The following ITGAX variants were observed in gnomAD, a reference collection of about 807,000 sequenced individuals.
ITGAX encodes integrin alpha-X.
In ITGAX, 99 loss-of-function variants were observed where a neutral mutation model predicts 140.2. That is an observed-to-expected ratio of 0.71 (90% CI 0.60 to 0.83). ITGAX has a LOEUF of 0.83. Ranked by LOEUF, ITGAX falls within the 40% of genes least tolerant of loss-of-function variation. The pLI is 0.00. For missense variants in ITGAX, 1,444 were observed against 1,482.0 expected (o/e 0.97, Z 0.42); for synonymous variants, 631 against 600.4 (o/e 1.05, Z -0.75).
In ITGAX at chr16:31,372,682, C is replaced by T; in HGVS notation, c.2366+12C>T. The T allele has an allele frequency of 1.2e-6, 2 of 1,612,210 alleles. No homozygotes were observed. Among genetic ancestry groups the T allele is most frequent in the Non-Finnish European group, 1.7e-6 (2 of 1,178,630 alleles). On this transcript the variant is annotated intron_variant, in intron 19 of 29. Coordinates refer to ENST00000268296, the MANE Select transcript of ITGAX (RefSeq NM_000887.5). Reference sequence around the variant, plus strand: ...TTCAGCTTCCCAGGGTGAGCGCCCCCACCTTAGACCTGCCCTACTGCCCCA... The same window carrying T: ...TTCAGCTTCCCAGGGTGAGCGCCCCTACCTTAGACCTGCCCTACTGCCCCA...
In ITGAX at chr16:31,358,813, G is replaced by GT. The variant is rs142979565; in HGVS notation, c.431-874dup. Among the ~76,000 whole-genome samples, 645 of 139,140 alleles carry GT rather than the reference G, an allele frequency of 4.6e-3. 5 individuals carry two copies. The highest frequency in any genetic ancestry group is 0.01 in the African/African-American group (378 of 36,826). The allele number at this position is 139,140 out of a possible 152,430, so 91.3% of individuals were successfully genotyped here. ...CGTCTGAATTGGAGAAATCTTCCTGGTTTTTTTTTTTTTCTTTTTTTTTAG... is the reference window on the plus strand; with the variant it reads ...CGTCTGAATTGGAGAAATCTTCCTGGTTTTTTTTTTTTTTCTTTTTTTTTAG... On this transcript the variant is annotated intron_variant, in intron 5 of 29. Transcript: ENST00000268296.
At position 31,357,089 on chromosome 16, in the gene ITGAX, T is replaced by A; in HGVS notation, c.306T>A (p.Pro102=). ...TGTCCCTGGCGTCTACCACCAGCCC[T>A]TCCCAGCTGCTGGTGAGTGGCCCTG... is the stretch of plus-strand genomic sequence containing the variant. ...LGLSLASTTS[P]SQLLACGPTV... is the part of the protein sequence containing the mutation. The change falls in exon 4 of 30, where the codon CCT becomes CCA. Residue 102 remains proline (P), a synonymous_variant. Coordinates refer to ENST00000268296, the MANE Select transcript of ITGAX (RefSeq NM_000887.5). 1 of 1,607,156 alleles carries A rather than the reference T, an allele frequency of 6.2e-7. No individual in the cohort carries two copies.
chr16:31,355,799 C>T (rs534798983), intron 1 of ITGAX, 94 bp from the exon 2 acceptor site: 26 of 935,906 alleles, frequency 2.8e-5, no homozygotes, highest in South Asian at 1.5e-4. Context: ...GCATCAGGCT[C>T]GGAGGGGAGA....
At chr16:31,374,693 T>C (rs1264004949) in intron 20 of ITGAX, among the ~76,000 whole-genome samples, 1 of 152,162 alleles carries the variant, frequency 6.6e-6, no homozygotes, top group Non-Finnish European at 1.5e-5. Context: ...CCTCCTATCT[T>C]AGCTTCCCAA....
chr16:31,356,224 C>A, intron 2 of ITGAX: 4 of 505,692 alleles, frequency 7.9e-6, no homozygotes, highest in Non-Finnish European at 1.4e-5. Flanking sequence ...CTGATTTAGT[C>A]CACACGACAG....
intron 18 of ITGAX, 21 bp from the exon 19 acceptor site, chr16:31,372,576 C>T (rs1203606681): frequency 6.2e-7 from 1 of 1,614,098 alleles, no homozygotes; most frequent in Non-Finnish European, 8.5e-7. Flanking sequence ...GGAGAAAACC[C>T]CCCGTTGCCT....
rs780848970 is a variant in ITGAX at position 31,382,139 on chromosome 16, T to C, written c.*232T>C. The C allele has an allele frequency of 7.1e-7, 1 of 1,410,402 alleles. No individual in the cohort carries two copies. The highest frequency in any genetic ancestry group is 9.2e-7 in the Non-Finnish European group (1 of 1,088,924). The allele number at this position is 1,410,402 out of a possible 1,614,324, so 87.4% of individuals were successfully genotyped here. A position where few individuals can be genotyped will look rare whatever the true frequency, so the allele number is the denominator to read the frequency against. Reference sequence around the variant, plus strand: ...TGCTGTGTTCCCCAAAGGACTTGACTTGCAATTTCTACCTAGAAATACATG... The same window carrying C: ...TGCTGTGTTCCCCAAAGGACTTGACCTGCAATTTCTACCTAGAAATACATG... On this transcript the variant is annotated 3_prime_UTR_variant, in exon 30 of 30. Coordinates refer to ENST00000268296, the MANE Select transcript of ITGAX (RefSeq NM_000887.5).
intron 15 of ITGAX, 53 bp downstream of exon 15, chr16:31,371,267 G>T (rs540305012): frequency 6.8e-6 from 11 of 1,606,652 alleles, no homozygotes; most frequent in Non-Finnish European, 1.7e-6. Flanking sequence ...TTCAGATGGG[G>T]GTGCCCACCC....
intron 14 of ITGAX, among the ~76,000 whole-genome samples, chr16:31,366,080 C>G (rs1464822026): frequency 6.6e-6 from 1 of 152,204 alleles, no homozygotes; most frequent in Non-Finnish European, 1.5e-5. Flanking sequence ...GCAGGCATAC[C>G]TTGTTTTATG....
intron 2 of ITGAX, 23 bp downstream of exon 2, chr16:31,356,021 C>T: frequency 6.4e-7 from 1 of 1,559,314 alleles, no homozygotes; most frequent in East Asian, 2.3e-5. Flanking sequence ...TGGTGCTGGC[C>T]TTTGGCTCCA....
At chr16:31,378,400 C>T (rs2081038745) in intron 23 of ITGAX, among the ~76,000 whole-genome samples, 1 of 152,174 alleles carries the variant, frequency 6.6e-6, no homozygotes, top group African/African-American at 2.4e-5. Context: ...GCTCTCTGCT[C>T]CGTTCATTGT....
rs878962997 is a variant in ITGAX at position 31,355,415 on chromosome 16, G to A, written c.37+124G>A. 8 of 990,350 alleles carry A rather than the reference G, an allele frequency of 8.1e-6. No homozygotes were observed. In the South Asian group the frequency reaches 1.1e-4, roughly 14 times the overall value. 61.3% of individuals were successfully genotyped at this position (990,350 alleles called of 1,614,324 possible). On this transcript the variant is annotated intron_variant, in intron 1 of 29. Transcript: ENST00000268296. The stretch of plus-strand genomic sequence containing the variant: ...GGAAGAGAGACTCAGTCAAGCCTGA[G>A]GGGGAGGCAGGCACATAGGGTCTGA...
intron 20 of ITGAX, among the ~76,000 whole-genome samples, chr16:31,374,053 T>C (rs894499683): frequency 6.6e-6 from 1 of 151,844 alleles, no homozygotes; most frequent in Non-Finnish European, 1.5e-5. Flanking sequence ...CTTCGGGAGG[T>C]TGAGGCAGGC....
chr16:31,365,923 T>TAAAC (rs56112508), intron 14 of ITGAX, among the ~76,000 whole-genome samples: 44,902 of 151,566 alleles, frequency 0.3, 7,764 homozygotes, highest in East Asian at 0.71. Flanking sequence ...ACTCCATCTC[T>TAAAC]AAACAAACAA....
At chr16:31,365,020 G>GAAC (rs151183997) in intron 14 of ITGAX, among the ~76,000 whole-genome samples, 2 of 151,112 alleles carry the variant, frequency 1.3e-5, no homozygotes, top group East Asian at 3.9e-4. Context: ...ACTCCGTCTC[G>GAAC]AACAAACAAA....
intron 5 of ITGAX, chr16:31,357,862 C>G (rs900928521): frequency 6.6e-6 from 2 of 302,194 alleles, no homozygotes. Flanking sequence ...TATACATGTG[C>G]ACATGCACAC....
At chr16:31,361,038 C>T in intron 8 of ITGAX, 25 bp from the exon 9 acceptor site, 1 of 1,606,820 alleles carries the variant, frequency 6.2e-7, no homozygotes, top group Non-Finnish European at 8.5e-7. Context: ...ATTATTTTTA[C>T]TGAGTTGATC....
At chr16:31,360,238 A>G (rs2080808465) in intron 7 of ITGAX, 72 bp from the exon 8 acceptor site, 4 of 1,531,236 alleles carry the variant, frequency 2.6e-6, no homozygotes, top group Admixed American at 2.1e-5. Flanking sequence ...GGCATCTTCT[A>G]ATTTTCACAA....
chr16:31,382,425 T>C lies in ITGAX; in HGVS notation c.*518T>C. On this transcript the variant is annotated 3_prime_UTR_variant, in exon 30 of 30. Coordinates refer to ENST00000268296, the MANE Select transcript of ITGAX (RefSeq NM_000887.5). The stretch of plus-strand genomic sequence containing the variant: ...CTCGCCCGGCCCGATCTTTCTAAAA[T>C]ACAGTTCTGAATATGCTGCTCATCC... The C allele has an allele frequency of 6.5e-7, 1 of 1,535,208 alleles. No homozygotes were observed. The highest frequency in any genetic ancestry group is 8.7e-7 in the Non-Finnish European group (1 of 1,146,216).
Sources: gnomAD v4.1 joint callset for allele counts (sites outside exome capture counted in the v4.1 genomes callset) on GRCh38, gnomAD v4.1.1 for gene constraint, MANE v1.5 for transcripts, NCBI Gene and HGNC (gene_info 2026-07-23, HGNC 2026-07-21) for gene names.